Variants in RFX7 observed in about 807,000 individuals in gnomAD.
The protein encoded by RFX7 is DNA-binding protein RFX7.
In RFX7, 26 loss-of-function variants were observed where a neutral mutation model predicts 111.8. That is an observed-to-expected ratio of 0.23 (90% CI 0.17 to 0.32). The LOEUF is 0.32. RFX7 is among the 10% of genes least tolerant of loss of function. The probability of loss-of-function intolerance (pLI) is 1.00; values close to 1 mark genes in which losing one functional copy is unlikely to be tolerated. For synonymous variants in RFX7, 624 were observed against 624.4 expected (o/e 1.00, Z 0.01); for missense variants, 1,573 against 1,772.9 (o/e 0.89, Z 2.02).
intron 6 of RFX7, 60 bp downstream of exon 6, chr15:56,103,494 G>A: frequency 9.5e-7 from 1 of 1,055,850 alleles, no homozygotes; most frequent in Non-Finnish European, 1.4e-6. Context: ...TACAACAATA[G>A]ATGTTCTATA....
intron 2 of RFX7, among the ~76,000 whole-genome samples, chr15:56,188,491 A>C (rs1200320189): frequency 6.6e-6 from 1 of 152,200 alleles, no homozygotes; most frequent in Non-Finnish European, 1.5e-5. Flanking sequence ...ACATTGTCAA[A>C]AGGATCAAAA....
chr15:56,103,412 G>T, intron 6 of RFX7, 142 bp downstream of exon 6: 1 of 569,212 alleles, frequency 1.8e-6, no homozygotes. Context: ...AGTTACATTT[G>T]CAATTATTCT....
At chr15:56,107,335 G>GA (rs1567009713) in intron 5 of RFX7, among the ~76,000 whole-genome samples, 1 of 114,638 alleles carries the variant, frequency 8.7e-6, no homozygotes, top group Non-Finnish European at 1.8e-5. Flanking sequence ...AGAAAGAATT[G>GA]TTTTTTTTTT....
intron 3 of RFX7, among the ~76,000 whole-genome samples, chr15:56,168,082 T>G (rs1200082266): frequency 6.6e-6 from 1 of 152,192 alleles, no homozygotes; most frequent in Non-Finnish European, 1.5e-5. Context: ...GAAGTCAGAT[T>G]ATCTGAATTA....
rs191548863 is a variant in RFX7 at position 56,202,009 on chromosome 15, C to T, written c.162-22706G>A. On this transcript the variant is annotated intron_variant, in intron 2 of 9. Coordinates refer to ENST00000559447, the MANE Select transcript of RFX7 (RefSeq NM_022841.7). ...TCGCGTCACTGCACTCCAGCCTGGG[C>T]GACAGAGCGAGACTCTGTCTCAAAA... Among the ~76,000 whole-genome samples, 38 of 152,038 alleles carry T rather than the reference C, an allele frequency of 2.5e-4. No homozygotes were observed. The Middle Eastern group carries it at 0.017, about 68-fold the overall frequency.
At chr15:56,135,903 T>G (rs1457869761) in intron 5 of RFX7, among the ~76,000 whole-genome samples, 2 of 152,206 alleles carry the variant, frequency 1.3e-5, no homozygotes, top group Admixed American at 1.3e-4. Flanking sequence ...TTTTCTCAGG[T>G]TCGTCAAAGA....
chr15:56,229,544 TAAG>T (rs2043526221), intron 2 of RFX7, among the ~76,000 whole-genome samples: 5 of 152,168 alleles, frequency 3.3e-5, no homozygotes, highest in Admixed American at 3.3e-4. Flanking sequence ...GTTTTGTTTT[TAAG>T]AAGATGACTC....
intron 2 of RFX7, among the ~76,000 whole-genome samples, chr15:56,196,942 A>G (rs1290470463): frequency 1.3e-5 from 2 of 152,158 alleles, no homozygotes; most frequent in African/African-American, 2.4e-5. Flanking sequence ...ACACTACAGT[A>G]TGTTGATCTT....
intron 5 of RFX7, among the ~76,000 whole-genome samples, chr15:56,137,037 T>A (rs1440926878): frequency 6.6e-6 from 1 of 152,064 alleles, no homozygotes; most frequent in African/African-American, 2.4e-5. Flanking sequence ...TATTGAGAAT[T>A]TTTGCATCAA....
intron 2 of RFX7, among the ~76,000 whole-genome samples, chr15:56,195,025 G>A (rs2043134276): frequency 6.6e-6 from 1 of 152,150 alleles, no homozygotes; most frequent in African/African-American, 2.4e-5. Flanking sequence ...ATAAGTGGAT[G>A]AATGGATAAA....
chr15:56,128,389 TA>T (rs1251970065), intron 5 of RFX7, among the ~76,000 whole-genome samples: 1 of 152,226 alleles, frequency 6.6e-6, no homozygotes, highest in Non-Finnish European at 1.5e-5. Flanking sequence ...ATATCATGAT[TA>T]AGTGTGATTT....
intron 8 of RFX7, 94 bp downstream of exon 8, chr15:56,101,265 G>GATGA: frequency 9.6e-7 from 1 of 1,039,396 alleles, no homozygotes; most frequent in Non-Finnish European, 1.4e-6. Flanking sequence ...GTACTAAAAG[G>GATGA]ATGAAGTTCT....
At chr15:56,156,424 C>A (rs1396259082) in intron 3 of RFX7, among the ~76,000 whole-genome samples, 8 of 152,096 alleles carry the variant, frequency 5.3e-5, no homozygotes, top group African/African-American at 1.9e-4. Context: ...TATTTAACAG[C>A]ATATAGAAAT....
intron 2 of RFX7, among the ~76,000 whole-genome samples, chr15:56,228,131 A>G (rs1303880443): frequency 2.0e-5 from 3 of 151,744 alleles, no homozygotes; most frequent in Non-Finnish European, 4.4e-5. Flanking sequence ...CTGGCTTTTC[A>G]AGATTTTCTC....
In RFX7 at chr15:56,091,386, T is replaced by A. The variant is rs2041593942; in HGVS notation, c.*1959A>T. On this transcript the variant is annotated 3_prime_UTR_variant, in exon 10 of 10. Coordinates refer to ENST00000559447, the MANE Select transcript of RFX7 (RefSeq NM_022841.7). ...AATATATGAACCCCAGAAAGTTTGC[T>A]GGACGAATTCAACCAAATTTAAAGA... 1 of 152,568 alleles carries A rather than the reference T, an allele frequency of 6.6e-6. No individual in the cohort carries two copies. The highest frequency in any genetic ancestry group is 2.4e-5 in the African/African-American group (1 of 41,452). 9.5% of individuals were successfully genotyped at this position (152,568 alleles called of 1,614,324 possible).
chr15:56,141,437 G>GCCTCATTTT (rs2141021658), intron 5 of RFX7, among the ~76,000 whole-genome samples: 1 of 151,820 alleles, frequency 6.6e-6, no homozygotes. Flanking sequence ...TCATTTTATA[G>GCCTCATTTT]ATGAACCAAC....
chr15:56,155,086 A>T lies in RFX7; in HGVS notation c.196-10603T>A, dbSNP rs137906272. 2.6e-4 allele frequency among the ~76,000 whole-genome samples: 39 copies of T among 152,332 alleles called. 1 individual carries two copies. In the East Asian group the frequency reaches 7.3e-3, roughly 29 times the overall value. On this transcript the variant is annotated intron_variant, in intron 3 of 9. Transcript: ENST00000559447. ...GGGAACCACAATAAGATACCATCTC[A>T]CGGCAGTTAGAATGGCGATCATTAA...
Position 56,090,815 on chromosome 15 carries a change from T to C in RFX7, c.*2530A>G, listed in dbSNP as rs1485805555. The C allele has an allele frequency of 1.3e-5, 2 of 152,606 alleles. No homozygotes were observed. Among genetic ancestry groups the C allele is most frequent in the African/African-American group, 4.8e-5 (2 of 41,460 alleles). The allele number at this position is 152,606 out of a possible 1,614,324, so 9.5% of individuals were successfully genotyped here. A position where few individuals can be genotyped will look rare whatever the true frequency, so the allele number is the denominator to read the frequency against. On this transcript the variant is annotated 3_prime_UTR_variant, in exon 10 of 10. Coordinates refer to ENST00000559447, the MANE Select transcript of RFX7 (RefSeq NM_022841.7). ...ACTGCACAAAAAAACACTTTCCTTC[T>C]TTTCAGTTCAAAAGTCAGTGCTTAT...
chr15:56,149,324 G>A (rs1204044655), intron 3 of RFX7, among the ~76,000 whole-genome samples: 1 of 152,124 alleles, frequency 6.6e-6, no homozygotes, highest in African/African-American at 2.4e-5. Context: ...TCATAGATTA[G>A]CCCATCCTGA....
Sources: allele counts gnomAD v4.1 joint callset (sites outside exome capture counted in the v4.1 genomes callset), GRCh38; gene constraint gnomAD v4.1.1; transcripts MANE v1.5; gene names NCBI Gene and HGNC (gene_info 2026-07-23, HGNC 2026-07-21).